The following KSR2 variants were observed in gnomAD, a reference collection of about 807,000 sequenced individuals.
KSR2 encodes the protein kinase suppressor of ras 2.
Under a neutral mutation model 107.8 loss-of-function variants are expected in KSR2, and 25 were observed. That is an observed-to-expected ratio of 0.23 (90% CI 0.17 to 0.32). The LOEUF is 0.32. Among genes scored for constraint, KSR2 ranks in the 10% least tolerant of loss-of-function variants. The probability of loss-of-function intolerance (pLI) is 1.00; values close to 1 mark genes in which losing one functional copy is unlikely to be tolerated. For synonymous variants in KSR2, 480 were observed against 507.0 expected, an observed-to-expected ratio of 0.95 and a Z score of 0.71; for missense variants, 887 against 1,268.9, an observed-to-expected ratio of 0.70 and a Z score of 4.57.
At chr12:117,945,688 T>C (rs190816271) in intron 1 of KSR2, among the ~76,000 whole-genome samples, 7 of 152,018 alleles carry the variant, frequency 4.6e-5, no homozygotes, top group East Asian at 1.9e-4. Flanking sequence ...AAAATAATAA[T>C]AACAATAATA....
intron 3 of KSR2, among the ~76,000 whole-genome samples, chr12:117,837,530 G>A (rs1892273768): frequency 1.3e-5 from 2 of 152,180 alleles, no homozygotes; most frequent in African/African-American, 4.8e-5. Flanking sequence ...GCAGCTACGT[G>A]CCCCTAACTT....
At chr12:117,604,519 A>G (rs1881123882) in intron 5 of KSR2, among the ~76,000 whole-genome samples, 1 of 152,210 alleles carries the variant, frequency 6.6e-6, no homozygotes, top group African/African-American at 2.4e-5. Context: ...TCCTTGTCCT[A>G]GAGCAAGGGT....
chr12:117,604,553 T>C (rs1440637225), intron 5 of KSR2, among the ~76,000 whole-genome samples: 1 of 152,090 alleles, frequency 6.6e-6, no homozygotes, highest in East Asian at 1.9e-4. Flanking sequence ...GCCTAAGAGT[T>C]AGAAAAATGA....
chr12:117,476,512 T>C lies in KSR2; in HGVS notation c.2534A>G (p.Glu845Gly), dbSNP rs1871790178. The change falls in exon 17 of 20, where the codon GAG becomes GGG. Residue 845 changes from glutamate to glycine, a missense_variant. Physicochemically the swap from Glu to Gly is moderately conservative, Grantham distance 98. Around this residue, in one of 8 missense-constraint regions of KSR2, gnomAD observed 308 missense variants for 506.2 expected, o/e 0.61. Coordinates refer to ENST00000339824, the MANE Select transcript of KSR2 (RefSeq NM_173598.6). ...EIIRQLSPDTEEDKLPFSKHS... is the reference protein window; with the variant it reads ...EIIRQLSPDTGEDKLPFSKHS... ...CTTGGAGAAGGGGAGCTTATCCTCC[T>C]CTGTGTCGGGGGACAGCTGGCGGAT... 1 of 1,608,290 alleles carries C rather than the reference T, an allele frequency of 6.2e-7. No homozygotes were observed. The highest frequency in any genetic ancestry group is 1.3e-5 in the African/African-American group (1 of 74,868).
rs76919221 is a variant in KSR2, at chr12:117,557,550, C to T, written c.1393+956G>A. On this transcript the variant is annotated intron_variant, in intron 8 of 19. Transcript: ENST00000339824. ...AGGTGATCCTGATGCTGCTGGTCCA[C>T]GGACAGTGCTTTGAATAGCAAGGAT... 7.8e-3 allele frequency among the ~76,000 whole-genome samples: 1,181 copies of T among 152,302 alleles called. 18 individuals are homozygous for T. The highest frequency in any genetic ancestry group is 0.026 in the African/African-American group (1,101 of 41,570).
intron 5 of KSR2, among the ~76,000 whole-genome samples, chr12:117,610,849 T>C (rs1406892938): frequency 6.6e-6 from 1 of 150,936 alleles, no homozygotes; most frequent in Non-Finnish European, 1.5e-5. Flanking sequence ...CAGACAGACA[T>C]ATAGATAGAT....
intron 5 of KSR2, among the ~76,000 whole-genome samples, 158 bp downstream of exon 5, chr12:117,667,316 G>A (rs865968354): frequency 3.9e-5 from 6 of 152,336 alleles, no homozygotes; most frequent in Admixed American, 3.9e-4. Context: ...AGATGGGGGG[G>A]CTGTGGGCAG....
intron 5 of KSR2, among the ~76,000 whole-genome samples, chr12:117,662,631 C>A (rs1182025904): frequency 6.6e-6 from 1 of 152,160 alleles, no homozygotes; most frequent in African/African-American, 2.4e-5. Flanking sequence ...TCCATAAGAC[C>A]CAGGCCTTGT....
At chr12:117,790,120 G>T (rs1339083272) in intron 3 of KSR2, among the ~76,000 whole-genome samples, 1 of 152,156 alleles carries the variant, frequency 6.6e-6, no homozygotes, top group African/African-American at 2.4e-5. Context: ...AAACATAAGA[G>T]TTGTGAGCCC....
intron 3 of KSR2, among the ~76,000 whole-genome samples, chr12:117,787,265 T>C (rs887451797): frequency 5.3e-5 from 8 of 152,142 alleles, no homozygotes; most frequent in African/African-American, 1.9e-4. Context: ...TAGCATCTTG[T>C]GGGATACCAG....
At chr12:117,792,327 T>C (rs900968598) in intron 3 of KSR2, among the ~76,000 whole-genome samples, 9 of 151,914 alleles carry the variant, frequency 5.9e-5, no homozygotes, top group African/African-American at 1.9e-4. Flanking sequence ...TCCAGCCTGG[T>C]TGACAGAGTG....
chr12:117,650,755 C>T (rs1883871478), intron 5 of KSR2, among the ~76,000 whole-genome samples: 1 of 152,146 alleles, frequency 6.6e-6, no homozygotes, highest in Non-Finnish European at 1.5e-5. Context: ...TTGGCTGCTC[C>T]TAAGTTCAGT....
At chr12:117,641,754 G>A (rs748402574) in intron 5 of KSR2, among the ~76,000 whole-genome samples, 9 of 152,140 alleles carry the variant, frequency 5.9e-5, no homozygotes, top group Non-Finnish European at 1.2e-4. Context: ...TTACCTGTCA[G>A]GTAGCAGAAG....
intron 17 of KSR2, among the ~76,000 whole-genome samples, chr12:117,474,629 C>T (rs992555635): frequency 6.6e-6 from 1 of 152,128 alleles, no homozygotes; most frequent in African/African-American, 2.4e-5. Flanking sequence ...AGCCTAGAAG[C>T]CTTTCTGGCT....
chr12:117,594,088 G>A (rs999675121), intron 5 of KSR2, among the ~76,000 whole-genome samples: 1 of 152,282 alleles, frequency 6.6e-6, no homozygotes, highest in Non-Finnish European at 1.5e-5. Flanking sequence ...CAGAGCCATC[G>A]GAGTTGTCTG....
chr12:117,761,047 T>C lies in KSR2; in HGVS notation c.950A>G (p.Gln317Arg), dbSNP rs1473148176. 1 of 1,613,764 alleles carries C rather than the reference T, an allele frequency of 6.2e-7. No homozygotes were observed. Among genetic ancestry groups the C allele is most frequent in the Non-Finnish European group, 8.5e-7 (1 of 1,179,736 alleles). The change falls in exon 4 of 20, where the codon CAG becomes CGG. Residue 317 changes from glutamine (Q) to arginine (R), a missense_variant. By Grantham distance (43) the Gln-to-Arg change is conservative. Coordinates refer to ENST00000339824, the MANE Select transcript of KSR2 (RefSeq NM_173598.6). ...GGCCTCGTCCACGCGGTGCCCCAGC[T>C]GGAACTCGTGGGATTTGCTCCGATG... ...ALHRSKSHEF[Q>R]LGHRVDEAHT...
rs747502152 is a variant in KSR2 at position 117,484,417 on chromosome 12, T to G, written c.2449A>C (p.Arg817=). ...FSISGVLQAG[R]REDKLRIQNG... ...CCGGGTCTTCCCACTGCCTCTCACC[T>G]GCCAGCCTGCAGCACCCCAGAAATG... is the stretch of plus-strand genomic sequence containing the variant. The change falls in exon 16 of 20, where the codon AGG becomes CGG. Residue 817 remains arginine (R), a splice_region_variant and synonymous_variant. Transcript: ENST00000339824. The G allele has an allele frequency of 2.5e-6, 4 of 1,613,750 alleles. No homozygotes were observed.
At chr12:117,502,688 G>C (rs1271726205) in intron 14 of KSR2, among the ~76,000 whole-genome samples, 1 of 152,128 alleles carries the variant, frequency 6.6e-6, no homozygotes, top group Non-Finnish European at 1.5e-5. Flanking sequence ...TATCAATAAA[G>C]TTGTTTTAAA....
In KSR2 at chr12:117,630,017, G is replaced by A. The variant is rs542937238; in HGVS notation, c.1171+37457C>T. 2.0e-5 allele frequency among the ~76,000 whole-genome samples: 3 copies of A among 152,314 alleles called. No homozygotes were observed. The South Asian group carries it at 6.2e-4, about 32-fold the overall frequency. ...TTGTTGTTCAGCCTGCTGGACTCAT[G>A]CAGAAGTGGGTCATGGGAGTGCTCA... On this transcript the variant is annotated intron_variant, in intron 5 of 19. Transcript: ENST00000339824.
Sources: gnomAD v4.1 joint callset for allele counts (sites outside exome capture counted in the v4.1 genomes callset) on GRCh38, gnomAD v4.1.1 for gene constraint, gnomAD v4.1.1 regional missense constraint, MANE v1.5 for transcripts, NCBI Gene and HGNC (gene_info 2026-07-23, HGNC 2026-07-21) for gene names.